OCA2: variants seen among roughly 807,000 people sequenced by gnomAD.
OCA2 encodes the protein OCA2 melanosomal transmembrane protein.
A neutral mutation model predicts 100.2 loss-of-function variants in OCA2; 77 were observed. The observed-to-expected ratio is 0.77, with a 90% confidence interval of 0.64 to 0.93. OCA2 has a LOEUF of 0.93. OCA2 is among the 40% of genes least tolerant of loss of function. The probability of loss-of-function intolerance (pLI) is 0.00; values close to 1 mark genes in which losing one functional copy is unlikely to be tolerated. For synonymous variants in OCA2, 432 were observed against 439.2 expected (o/e 0.98, Z 0.21); for missense variants, 1,062 against 1,089.1 (o/e 0.98, Z 0.35).
chr15:27,881,836 G>A (rs937284423), intron 19 of OCA2, among the ~76,000 whole-genome samples: 3 of 151,962 alleles, frequency 2.0e-5, no homozygotes, highest in African/African-American at 7.3e-5. Context: ...TAGATTCATT[G>A]ATTATTTGAA....
Position 27,963,069 on chromosome 15 carries a change from C to A in OCA2, c.1636+3621G>T, listed in dbSNP as rs115765343. Among the ~76,000 whole-genome samples the A allele has an allele frequency of 8.6e-3, 1,305 of 152,272 alleles. 24 individuals are homozygous for A. Among genetic ancestry groups the A allele is most frequent in the African/African-American group, 0.029 (1,218 of 41,562 alleles). Reference sequence around the variant, plus strand: ...TTGTTTTTATAGCAAGGTGTTAAATCATCAAGATGAAAGAACAATCCTAAA... The same window carrying A: ...TTGTTTTTATAGCAAGGTGTTAAATAATCAAGATGAAAGAACAATCCTAAA... On this transcript the variant is annotated intron_variant, in intron 15 of 23. Transcript: ENST00000354638.
the OCA2 span, among the ~76,000 whole-genome samples, chr15:27,726,903 T>C: frequency 6.6e-6 from 1 of 152,082 alleles, no homozygotes; most frequent in African/African-American, 2.4e-5. Context: ...TCTTAAACAG[T>C]GAAGAGTGCG....
Position 27,990,632 on chromosome 15 carries a change from G to C in OCA2, c.1060C>G (p.Leu354Val), listed in dbSNP as rs1238971504. 6.2e-7 allele frequency: 1 copy of C among 1,614,020 alleles called. No individual in the cohort carries two copies. The highest frequency in any genetic ancestry group is 2.2e-5 in the East Asian group (1 of 44,872). The change falls in exon 10 of 24, where the codon CTG (leucine) becomes GTG (valine). Residue 354 changes from leucine (L) to valine (V), a missense_variant. Physicochemically the swap from Leu to Val is conservative, Grantham distance 32. Transcript: ENST00000354638. ...GCAAGGGAACCCAGCATGGCCGCCA[G>C]AGTTCTGTGCACGATCTGGAAAGAA... ...LIIFEIVHRT[L>V]AAMLGSLAAL...
chr15:28,072,125 T>C (rs6497258), intron 2 of OCA2, among the ~76,000 whole-genome samples: 7,542 of 152,264 alleles, frequency 0.05, 590 homozygotes, highest in African/African-American at 0.17. Flanking sequence ...CCCAGCACTT[T>C]GGGAGGCCGA....
chr15:28,081,584 A>G, intron 2 of OCA2, 64 bp downstream of exon 2: 1 of 1,495,502 alleles, frequency 6.7e-7, no homozygotes, highest in Admixed American at 1.8e-5. Context: ...TGGGGGAACG[A>G]TGCTCATGGA....
chr15:27,923,038 C>T (rs989152190), intron 19 of OCA2, among the ~76,000 whole-genome samples: 1 of 152,128 alleles, frequency 6.6e-6, no homozygotes, highest in Non-Finnish European at 1.5e-5. Flanking sequence ...TCATTCAGCT[C>T]CCACTTATAA....
intron 23 of OCA2, among the ~76,000 whole-genome samples, chr15:27,814,842 C>T (rs1025022757): frequency 5.3e-5 from 8 of 151,624 alleles, no homozygotes; most frequent in Non-Finnish European, 7.4e-5. Flanking sequence ...AAGATTGTGC[C>T]GCTACACTCC....
At chr15:27,824,989 G>A (rs183095049) in intron 23 of OCA2, among the ~76,000 whole-genome samples, 10 of 152,276 alleles carry the variant, frequency 6.6e-5, no homozygotes, top group East Asian at 1.9e-4. Flanking sequence ...GAATGGCCTT[G>A]TTGGGAATTA....
At chr15:28,018,282 T>A (rs2042465760) in intron 7 of OCA2, 115 bp downstream of exon 7, 1 of 948,624 alleles carries the variant, frequency 1.1e-6, no homozygotes, top group African/African-American at 1.6e-5. Flanking sequence ...ATGAATTGAC[T>A]AAGAATGGTG....
At chr15:27,987,832 T>C (rs945810842) in intron 11 of OCA2, among the ~76,000 whole-genome samples, 7 of 152,236 alleles carry the variant, frequency 4.6e-5, no homozygotes, top group Middle Eastern at 3.4e-3. Context: ...GTTATGAAAA[T>C]GCAATATAAT....
intron 19 of OCA2, among the ~76,000 whole-genome samples, chr15:27,883,499 T>G (rs2037104670): frequency 6.6e-6 from 1 of 152,220 alleles, no homozygotes. Flanking sequence ...AGTCGGCTAC[T>G]GTTCCTGTGT....
At chr15:27,785,112 AGAT>A (rs1398802150) in intron 23 of OCA2, among the ~76,000 whole-genome samples, 1 of 152,250 alleles carries the variant, frequency 6.6e-6, no homozygotes, top group African/African-American at 2.4e-5. Flanking sequence ...AGAAAAACAC[AGAT>A]GATAATTATG....
At chr15:28,094,701 C>T (rs1444077218) in intron 1 of OCA2, among the ~76,000 whole-genome samples, 1 of 152,216 alleles carries the variant, frequency 6.6e-6, no homozygotes, top group African/African-American at 2.4e-5. Context: ...CCCCCGAACT[C>T]GGGCCCTGCG....
intron 17 of OCA2, among the ~76,000 whole-genome samples, chr15:27,953,820 C>G (rs1350034624): frequency 2.7e-5 from 4 of 150,662 alleles, no homozygotes; most frequent in Admixed American, 2.7e-4. Context: ...TGGGTAAGTT[C>G]TTTAGTGGTG....
the OCA2 span, among the ~76,000 whole-genome samples, chr15:27,746,652 C>T: frequency 6.6e-6 from 1 of 152,178 alleles, no homozygotes; most frequent in East Asian, 1.9e-4. Flanking sequence ...GATAACCCCC[C>T]AGCCACGACA....
chr15:28,005,349 G>A (rs1000577663), intron 9 of OCA2, among the ~76,000 whole-genome samples: 1 of 152,040 alleles, frequency 6.6e-6, no homozygotes, highest in African/African-American at 2.4e-5. Flanking sequence ...TGGCAAAACC[G>A]GAGCACAACA....
At chr15:27,880,445 A>C (rs1042604015) in intron 19 of OCA2, among the ~76,000 whole-genome samples, 2 of 152,212 alleles carry the variant, frequency 1.3e-5, no homozygotes, top group Non-Finnish European at 2.9e-5. Flanking sequence ...TACTTTGGAC[A>C]GTATGGCCAT....
rs1246516984 is a variant in OCA2, at chr15:27,994,489, G to A, written c.1045-3842C>T. On this transcript the variant is annotated intron_variant, in intron 9 of 23. Transcript: ENST00000354638. Reference sequence around the variant, plus strand: ...TTCCTACACCCAAACCACTTCCCAGGCACAGAACGCACCACCTAGCTTCCC... The same window carrying A: ...TTCCTACACCCAAACCACTTCCCAGACACAGAACGCACCACCTAGCTTCCC... 3.2e-4 allele frequency among the ~76,000 whole-genome samples: 49 copies of A among 152,098 alleles called. 1 individual carries two copies. Among genetic ancestry groups the A allele is most frequent in the Admixed American group, 3.1e-3 (48 of 15,272 alleles).
intron 9 of OCA2, among the ~76,000 whole-genome samples, chr15:28,013,796 C>T (rs2141219703): frequency 6.6e-6 from 1 of 152,220 alleles, no homozygotes; most frequent in South Asian, 2.1e-4. Context: ...TGTGTCAAAT[C>T]ACAGGGTGGT....
Sources: allele counts gnomAD v4.1 joint callset (sites outside exome capture counted in the v4.1 genomes callset), GRCh38; gene constraint gnomAD v4.1.1; transcripts MANE v1.5; gene names NCBI Gene and HGNC (gene_info 2026-07-23, HGNC 2026-07-21).